The following PDS5A variants were observed in gnomAD, a reference collection of about 807,000 sequenced individuals.
PDS5A encodes the protein PDS5 cohesin associated factor A, also known as sister chromatid cohesion protein PDS5 homolog A.
PDS5A carries 42 observed loss-of-function variants against 167.1 expected under a neutral mutation model. That is an observed-to-expected ratio of 0.25 (90% CI 0.20 to 0.33). The LOEUF is 0.33. Ranked by LOEUF, PDS5A falls within the 10% of genes least tolerant of loss-of-function variation. The probability of loss-of-function intolerance (pLI) is 1.00; values close to 1 mark genes in which losing one functional copy is unlikely to be tolerated. For synonymous variants in PDS5A, 553 were observed against 554.6 expected, an observed-to-expected ratio of 1.00 and a Z score of 0.04; for missense variants, 1,033 against 1,605.9, an observed-to-expected ratio of 0.64 and a Z score of 6.10.
chr4:39,971,744 GC>G (rs1730562537), intron 2 of PDS5A, among the ~76,000 whole-genome samples: 3 of 152,270 alleles, frequency 2.0e-5, no homozygotes, highest in East Asian at 3.9e-4. Flanking sequence ...ACAAGCATGA[GC>G]CCCTGCGTCC....
At chr4:39,946,810 G>C (rs1727815211) in intron 2 of PDS5A, among the ~76,000 whole-genome samples, 1 of 152,144 alleles carries the variant, frequency 6.6e-6, no homozygotes, top group Admixed American at 6.6e-5. Flanking sequence ...CTACTTGGGA[G>C]GCTGAGGCAG....
At position 39,837,986 on chromosome 4, in the gene PDS5A, T is replaced by G; in HGVS notation, c.3880A>C (p.Lys1294Gln). ...KNDDLNKPIN[K>Q]GRKRAAVGQE... The stretch of plus-strand genomic sequence containing the variant: ...CCCACTGCAGCTCTCTTCCTTCCCT[T>G]GTTAATAGGTTTATTTAGATCATCA... The change falls in exon 32 of 33, where the codon AAG becomes CAG. Residue 1294 changes from lysine to glutamine, a missense_variant. By Grantham distance (53) the Lys-to-Gln change is moderately conservative. Around this residue, in one of 4 missense-constraint regions of PDS5A, gnomAD observed 233 missense variants for 264.0 expected, o/e 0.88. Transcript: ENST00000303538. 6.2e-7 allele frequency: 1 copy of G among 1,613,992 alleles called. No individual in the cohort carries two copies. The highest frequency in any genetic ancestry group is 8.5e-7 in the Non-Finnish European group (1 of 1,179,878).
intron 17 of PDS5A, among the ~76,000 whole-genome samples, chr4:39,881,999 T>C (rs1171084226): frequency 2.0e-5 from 3 of 152,200 alleles, no homozygotes; most frequent in Non-Finnish European, 4.4e-5. Flanking sequence ...CCATGTAAGA[T>C]GTCACTTTGC....
At chr4:39,886,546 T>C (rs1471048788) in intron 17 of PDS5A, among the ~76,000 whole-genome samples, 1 of 151,960 alleles carries the variant, frequency 6.6e-6, no homozygotes, top group Non-Finnish European at 1.5e-5. Context: ...AAACCCCATC[T>C]CTACTAAAAA....
Position 39,845,812 on chromosome 4 carries a change from T to C in PDS5A, c.3402+6A>G, listed in dbSNP as rs1717539432. 7.1e-7 allele frequency: 1 copy of C among 1,404,606 alleles called. No homozygotes were observed. Among genetic ancestry groups the C allele is most frequent in the East Asian group, 2.9e-5 (1 of 33,962 alleles). The allele number at this position is 1,404,606 out of a possible 1,614,324, so 87.0% of individuals were successfully genotyped here. On this transcript the variant is annotated splice_donor_region_variant and intron_variant, in intron 29 of 32. Coordinates refer to ENST00000303538, the MANE Select transcript of PDS5A (RefSeq NM_001100399.2). ...AAAGATCTCAAAATTATTAAGTAAA[T>C]AATACCTTTCCTGTTAACAGAAGTA...
chr4:39,825,447 C>T lies in PDS5A; in HGVS notation c.*38G>A. ...TTTTTGCAGAAGCTGGAGCCTGCTT[C>T]TGTTTGGCCTTCATTTTCTCCCTTT... On this transcript the variant is annotated 3_prime_UTR_variant, in exon 33 of 33. Transcript: ENST00000303538. 6.4e-7 allele frequency: 1 copy of T among 1,562,392 alleles called. No individual in the cohort carries two copies. The highest frequency in any genetic ancestry group is 2.3e-5 in the East Asian group (1 of 43,978).
intron 32 of PDS5A, among the ~76,000 whole-genome samples, chr4:39,829,538 T>C (rs1440591052): frequency 6.6e-6 from 1 of 151,722 alleles, no homozygotes; most frequent in Non-Finnish European, 1.5e-5. Context: ...TTCTAGCTAC[T>C]CGGGAGGCTG....
At chr4:39,935,343 C>T (rs1471818861) in intron 2 of PDS5A, among the ~76,000 whole-genome samples, 2 of 152,198 alleles carry the variant, frequency 1.3e-5, no homozygotes, top group African/African-American at 4.8e-5. Context: ...AGTGATCTAC[C>T]CGCCTTGGCC....
Position 39,883,395 on chromosome 4 carries a change from G to A in PDS5A, c.1887-3562C>T, listed in dbSNP as rs1446785081. ...GGGGTTTCACCATGTTGGCCAGGCTGGTCTTGAACTCCTGACCGCAGGTGA... is the reference window on the plus strand; with the variant it reads ...GGGGTTTCACCATGTTGGCCAGGCTAGTCTTGAACTCCTGACCGCAGGTGA... On this transcript the variant is annotated intron_variant, in intron 17 of 32. Coordinates refer to ENST00000303538, the MANE Select transcript of PDS5A (RefSeq NM_001100399.2). Among the ~76,000 whole-genome samples, 4 of 152,200 alleles carry A rather than the reference G, an allele frequency of 2.6e-5. No individual in the cohort carries two copies. In the South Asian group the frequency reaches 8.3e-4, roughly 32 times the overall value.
intron 2 of PDS5A, among the ~76,000 whole-genome samples, chr4:39,936,429 A>ATATTTAT (rs901019885): frequency 6.9e-6 from 1 of 145,714 alleles, no homozygotes; most frequent in African/African-American, 2.5e-5. Context: ...TGAAAGCACT[A>ATATTTAT]TATTTATTAT....
chr4:39,970,732 T>C (rs547542675), intron 2 of PDS5A, among the ~76,000 whole-genome samples: 1 of 151,694 alleles, frequency 6.6e-6, no homozygotes, highest in Non-Finnish European at 1.5e-5. Flanking sequence ...GGTTCCAGAA[T>C]TTCCTTTAAG....
rs1731195319 is a variant in PDS5A at position 39,977,180 on chromosome 4, G to C, written c.-41+277C>G. Among the ~76,000 whole-genome samples, 1 of 151,932 alleles carries C rather than the reference G, an allele frequency of 6.6e-6. No individual in the cohort carries two copies. The highest frequency in any genetic ancestry group is 2.1e-4 in the South Asian group (1 of 4,824). On this transcript the variant is annotated intron_variant, in intron 1 of 32. Transcript: ENST00000303538. The surrounding 1 kb of genome is among the most constrained non-coding windows in gnomAD (Gnocchi z 4.2). ...CCCTGTTCCGCTCCCTCACCCCCGC[G>C]GGAGGGGAAAACAAGCCGCCCTCCA...
At chr4:39,843,491 T>G (rs1320583626) in intron 30 of PDS5A, among the ~76,000 whole-genome samples, 1 of 152,200 alleles carries the variant, frequency 6.6e-6, no homozygotes, top group Non-Finnish European at 1.5e-5. Flanking sequence ...CCCAGCACTT[T>G]GGGAGTCCAA....
rs752388231 is a variant in PDS5A, at chr4:39,866,905, C to T, written c.2598G>A (p.Ala866=). The T allele has an allele frequency of 1.8e-5, 29 of 1,613,306 alleles. No individual in the cohort carries two copies. The highest frequency in any genetic ancestry group is 2.2e-5 in the East Asian group (1 of 44,850). The change falls in exon 23 of 33, where the codon GCG becomes GCA. Residue 866 remains alanine (A), a synonymous_variant. Coordinates refer to ENST00000303538, the MANE Select transcript of PDS5A (RefSeq NM_001100399.2). ...SANSTLRLLS[A]MLVSEGDLTE... is the part of the protein sequence containing the mutation. The stretch of plus-strand genomic sequence containing the variant: ...TCAGGTCACCCTCACTAACCAACAT[C>T]GCTGATAATAACCGAAGGGTTGAAT...
chr4:39,954,743 T>C (rs1728768820), intron 2 of PDS5A, among the ~76,000 whole-genome samples: 1 of 143,770 alleles, frequency 7.0e-6, no homozygotes, highest in Non-Finnish European at 1.5e-5. Context: ...GACAGAGACG[T>C]TAAAATAACT....
intron 17 of PDS5A, among the ~76,000 whole-genome samples, chr4:39,883,168 T>C (rs1166342832): frequency 6.6e-6 from 1 of 152,160 alleles, no homozygotes; most frequent in East Asian, 1.9e-4. Flanking sequence ...TGTCTTCTTT[T>C]CAACTAGCAT....
chr4:39,972,969 T>C (rs1470540720), intron 2 of PDS5A, among the ~76,000 whole-genome samples: 1 of 152,176 alleles, frequency 6.6e-6, no homozygotes, highest in Non-Finnish European at 1.5e-5. Context: ...TTATGTTTGC[T>C]AGACCTGGCA....
chr4:39,861,812 G>C (rs1024618608), intron 26 of PDS5A, among the ~76,000 whole-genome samples: 1 of 152,102 alleles, frequency 6.6e-6, no homozygotes, highest in Non-Finnish European at 1.5e-5. Context: ...TTTTTTAAAA[G>C]ATATTTGAAA....
chr4:39,977,852 CCCGGGAG>C lies in PDS5A; in HGVS notation c.-443_-437del, dbSNP rs1475087763. 1 of 149,836 alleles carries C rather than the reference CCCGGGAG, an allele frequency of 6.7e-6. No individual in the cohort carries two copies. Among genetic ancestry groups the C allele is most frequent in the Non-Finnish European group, 1.5e-5 (1 of 67,104 alleles). The allele number at this position is 149,836 out of a possible 1,614,324, so 9.3% of individuals were successfully genotyped here. A position where few individuals can be genotyped will look rare whatever the true frequency, so the allele number is the denominator to read the frequency against. On this transcript the variant is annotated 5_prime_UTR_variant, in exon 1 of 33. Coordinates refer to ENST00000303538, the MANE Select transcript of PDS5A (RefSeq NM_001100399.2). The surrounding 1 kb of genome is among the most constrained non-coding windows in gnomAD (Gnocchi z 4.2). ...GAGGCGCGCGCCCGGCCGTCCGTGC[CCCGGGAG>C]CCGGGGCCTCGCGCACACACCGGCC...
Sources: gnomAD v4.1 joint callset for allele counts (sites outside exome capture counted in the v4.1 genomes callset) on GRCh38, gnomAD v4.1.1 for gene constraint, gnomAD v4.1.1 regional missense constraint, Gnocchi (gnomAD v3.1) non-coding constraint, MANE v1.5 for transcripts, NCBI Gene and HGNC (gene_info 2026-07-23, HGNC 2026-07-21) for gene names.